The following RUNX1 variants were observed in gnomAD, a reference collection of about 807,000 sequenced individuals.
RUNX1 encodes runt-related transcription factor 1.
Under a neutral mutation model 42.8 loss-of-function variants are expected in RUNX1, and 19 were observed. The ratio of observed to expected loss-of-function variants is 0.44; its 90% CI spans 0.31 to 0.65. The LOEUF is 0.65. RUNX1 is among the 30% of genes least tolerant of loss of function. The pLI is 0.07. For synonymous variants in RUNX1, 271 were observed against 289.4 expected, an observed-to-expected ratio of 0.94 and a Z score of 0.64; for missense variants, 528 against 672.0, an observed-to-expected ratio of 0.79 and a Z score of 2.37.
In RUNX1 at chr21:34,901,338, C is replaced by T. The variant is rs2058175773; in HGVS notation, c.59-8375G>A. ...CAGCCCGGCCAACATGGTGAAACCCCGTCTCTACTGAAAATAAAAAAAGTA... is the reference window on the plus strand; with the variant it reads ...CAGCCCGGCCAACATGGTGAAACCCTGTCTCTACTGAAAATAAAAAAAGTA... On this transcript the variant is annotated intron_variant, in intron 2 of 8. Transcript: ENST00000675419. This position sits in a 1 kb window ranked among gnomAD's most constrained non-coding sequence, Gnocchi z 4.3. 6.6e-6 allele frequency among the ~76,000 whole-genome samples: 1 copy of T among 151,774 alleles called. No individual in the cohort carries two copies.
chr21:34,886,881 G>C lies in RUNX1; in HGVS notation c.313C>G (p.His105Asp). 1 of 1,613,654 alleles carries C rather than the reference G, an allele frequency of 6.2e-7. No homozygotes were observed. Among genetic ancestry groups the C allele is most frequent in the Non-Finnish European group, 8.5e-7 (1 of 1,179,774 alleles). Reference sequence around the variant, plus strand: ...GGCAGGGTCTTGTTGCAGCGCCAGTGCGTAGGCAGCACGGAGCAGAGGAAG... The same window carrying C: ...GGCAGGGTCTTGTTGCAGCGCCAGTCCGTAGGCAGCACGGAGCAGAGGAAG... Reference protein sequence around the residue: ...PNFLCSVLPTHWRCNKTLPIA... With the variant: ...PNFLCSVLPTDWRCNKTLPIA... Residue 105 changes from histidine to aspartate, a missense_variant, in exon 4 of 9, where the codon CAC becomes GAC. Physicochemically the swap from His to Asp is moderately conservative, Grantham distance 81. Around this residue, in one of 3 missense-constraint regions of RUNX1, gnomAD observed 83 missense variants for 174.5 expected, o/e 0.48. Transcript: ENST00000675419.
At chr21:35,034,965 G>A (rs573645835) in intron 2 of RUNX1, among the ~76,000 whole-genome samples, 3 of 152,260 alleles carry the variant, frequency 2.0e-5, no homozygotes, top group East Asian at 1.9e-4. Flanking sequence ...AGCATCAGCC[G>A]TTTGCTGCCA....
intron 7 of RUNX1, among the ~76,000 whole-genome samples, chr21:34,811,584 C>T (rs1021895379): frequency 1.2e-4 from 18 of 152,204 alleles, no homozygotes; most frequent in Non-Finnish European, 2.2e-4. Flanking sequence ...GAGCTCTGAA[C>T]GGCTTTACAA....
chr21:34,991,263 G>A (rs9977678), intron 2 of RUNX1, among the ~76,000 whole-genome samples: 25,322 of 152,022 alleles, frequency 0.17, 2,363 homozygotes, highest in Admixed American at 0.24. Context: ...ACCTCCTCCC[G>A]AAATTCCCTC....
At chr21:34,845,014 A>G (rs2057296400) in intron 6 of RUNX1, among the ~76,000 whole-genome samples, 1 of 152,216 alleles carries the variant, frequency 6.6e-6, no homozygotes, top group African/African-American at 2.4e-5. Flanking sequence ...GTGTCATGAC[A>G]GCCTCATTCA....
intron 2 of RUNX1, among the ~76,000 whole-genome samples, chr21:34,984,790 C>A (rs1379417521): frequency 2.0e-5 from 3 of 152,160 alleles, no homozygotes; most frequent in Non-Finnish European, 4.4e-5. Context: ...TGGGCAAATA[C>A]AATGTCCATC....
chr21:35,023,374 A>G (rs1322341017), intron 2 of RUNX1, among the ~76,000 whole-genome samples: 1 of 152,264 alleles, frequency 6.6e-6, no homozygotes, highest in Non-Finnish European at 1.5e-5. Context: ...CTCGAAGCCC[A>G]TATGTCATTG....
intron 5 of RUNX1, among the ~76,000 whole-genome samples, chr21:34,873,795 A>G (rs2284619): frequency 0.23 from 34,489 of 152,188 alleles, 4,056 homozygotes; most frequent in African/African-American, 0.25. Context: ...TCTGTCTTCA[A>G]CAGAGATCAA....
intron 2 of RUNX1, among the ~76,000 whole-genome samples, chr21:34,966,721 A>C (rs1051000643): frequency 1.3e-5 from 2 of 152,136 alleles, no homozygotes; most frequent in African/African-American, 4.8e-5. Context: ...CCTTCTATTT[A>C]TTTTTGCTTT....
intron 3 of RUNX1, among the ~76,000 whole-genome samples, chr21:34,889,395 C>T (rs576225586): frequency 6.6e-6 from 1 of 151,964 alleles, no homozygotes; most frequent in African/African-American, 2.4e-5. Context: ...GTGTTTTTTA[C>T]CGCTGCGCCC....
intron 2 of RUNX1, among the ~76,000 whole-genome samples, chr21:34,922,807 C>T (rs1219644018): frequency 6.6e-6 from 1 of 152,148 alleles, no homozygotes; most frequent in Non-Finnish European, 1.5e-5. Flanking sequence ...GTTTCTGCTG[C>T]TTGGGAATTT....
At chr21:34,958,201 T>C (rs1201801046) in intron 2 of RUNX1, among the ~76,000 whole-genome samples, 1 of 152,066 alleles carries the variant, frequency 6.6e-6, no homozygotes, top group African/African-American at 2.4e-5. Flanking sequence ...GGACTCCAAG[T>C]CTAGACACTG....
intron 2 of RUNX1, among the ~76,000 whole-genome samples, chr21:34,978,288 G>A (rs2058818943): frequency 6.6e-6 from 1 of 152,184 alleles, no homozygotes; most frequent in Admixed American, 6.5e-5. Flanking sequence ...ATTCTGCCAT[G>A]ATGACTTACT....
At chr21:34,836,110 C>T (rs2057142579) in intron 6 of RUNX1, among the ~76,000 whole-genome samples, 1 of 152,228 alleles carries the variant, frequency 6.6e-6, no homozygotes, top group Non-Finnish European at 1.5e-5. Context: ...AGGAAAAACA[C>T]TTAAGCATAA....
At chr21:34,903,304 A>T (rs1298090586) in intron 2 of RUNX1, among the ~76,000 whole-genome samples, 1 of 152,212 alleles carries the variant, frequency 6.6e-6, no homozygotes, top group Non-Finnish European at 1.5e-5. Flanking sequence ...TTACAAAATA[A>T]TAGTTTAAAA....
chr21:34,961,600 CAG>C (rs896148871), intron 2 of RUNX1, among the ~76,000 whole-genome samples: 24 of 152,160 alleles, frequency 1.6e-4, no homozygotes, highest in African/African-American at 5.5e-4. Flanking sequence ...ATTAGCAGGA[CAG>C]AGGAAAGTGA....
intron 5 of RUNX1, among the ~76,000 whole-genome samples, chr21:34,860,457 T>C (rs2057556816): frequency 6.6e-6 from 1 of 152,062 alleles, no homozygotes; most frequent in South Asian, 2.1e-4. Flanking sequence ...TTAGGGGAGA[T>C]TAAATGATTT....
At chr21:34,900,903 C>T (rs934080313) in intron 2 of RUNX1, among the ~76,000 whole-genome samples, 3 of 152,114 alleles carry the variant, frequency 2.0e-5, no homozygotes, top group South Asian at 2.1e-4. Context: ...ATTGGTTAAA[C>T]GATACTCACT....
At chr21:34,852,189 CAA>C (rs1285083663) in intron 6 of RUNX1, among the ~76,000 whole-genome samples, 1 of 151,954 alleles carries the variant, frequency 6.6e-6, no homozygotes, top group East Asian at 1.9e-4. Context: ...CAAAACAAAA[CAA>C]AACAAAACAA....
Sources: gnomAD v4.1 joint callset for allele counts (sites outside exome capture counted in the v4.1 genomes callset) on GRCh38, gnomAD v4.1.1 for gene constraint, gnomAD v4.1.1 regional missense constraint, Gnocchi (gnomAD v3.1) non-coding constraint, MANE v1.5 for transcripts, NCBI Gene and HGNC (gene_info 2026-07-23, HGNC 2026-07-21) for gene names.